Variants in PHF21A observed in about 807,000 individuals in gnomAD.
The protein encoded by PHF21A is BHC80a.
A neutral mutation model predicts 82.5 loss-of-function variants in PHF21A; 11 were observed. The observed-to-expected ratio is 0.13, with a 90% CI of 0.08 to 0.22. PHF21A has a LOEUF of 0.22. PHF21A is among the 10% of genes least tolerant of loss of function. The pLI, the probability that PHF21A is intolerant of heterozygous loss-of-function variation, is 1.00. For missense variants in PHF21A, 579 were observed against 837.8 expected (o/e 0.69, Z 3.81); for synonymous variants, 297 against 302.8 (o/e 0.98, Z 0.20).
intron 6 of PHF21A, among the ~76,000 whole-genome samples, chr11:45,994,895 C>A (rs1191435415): frequency 1.3e-5 from 2 of 152,136 alleles, no homozygotes; most frequent in Admixed American, 1.3e-4. Context: ...TGTCCTTGTC[C>A]CTCTGTGCTG....
chr11:46,121,364 A>G lies in PHF21A; in HGVS notation c.-666T>C, dbSNP rs1301854732. Among the ~76,000 whole-genome samples the G allele has an allele frequency of 6.7e-6, 1 of 150,328 alleles. No homozygotes were observed. Among genetic ancestry groups the G allele is most frequent in the Non-Finnish European group, 1.5e-5 (1 of 67,382 alleles). On this transcript the variant is annotated 5_prime_UTR_variant, in exon 1 of 19. Transcript: ENST00000676320. ...AGCAGCAGGAGAGAAACTGTAGGAGACAAACAAGCCCAACTCTTCATCCTC... is the reference window on the plus strand; with the variant it reads ...AGCAGCAGGAGAGAAACTGTAGGAGGCAAACAAGCCCAACTCTTCATCCTC...
chr11:46,021,451 A>G (rs1418948005), intron 6 of PHF21A, among the ~76,000 whole-genome samples: 2 of 152,184 alleles, frequency 1.3e-5, no homozygotes, highest in Non-Finnish European at 2.9e-5. Context: ...ATCTAGAAAC[A>G]GTATTCATCC....
At chr11:45,984,838 G>GT (rs1260946405) in intron 6 of PHF21A, among the ~76,000 whole-genome samples, 4 of 152,186 alleles carry the variant, frequency 2.6e-5, no homozygotes, top group Non-Finnish European at 4.4e-5. Flanking sequence ...CTACATGGCA[G>GT]TATCTGTTGC....
At chr11:46,040,363 T>C (rs563072755) in intron 6 of PHF21A, among the ~76,000 whole-genome samples, 1 of 152,298 alleles carries the variant, frequency 6.6e-6, no homozygotes, top group Admixed American at 6.5e-5. Context: ...AAAAATACTA[T>C]TTGGCACAGA....
intron 9 of PHF21A, among the ~76,000 whole-genome samples, chr11:45,966,227 C>T (rs2093427039): frequency 1.3e-5 from 2 of 152,098 alleles, no homozygotes; most frequent in Admixed American, 1.3e-4. Context: ...TGAGACACTT[C>T]CTGAACTTCA....
chr11:45,988,537 A>T lies in PHF21A; in HGVS notation c.154-8571T>A, dbSNP rs78393756. On this transcript the variant is annotated intron_variant, in intron 6 of 18. Coordinates refer to ENST00000676320, the MANE Select transcript of PHF21A (RefSeq NM_001352027.3). ...TAATATCACACTCTTGATGCTTAAA[A>T]TCATAATTTAAAAAATCATCTACAG... is the stretch of plus-strand genomic sequence containing the variant. Among the ~76,000 whole-genome samples, 1,243 of 152,350 alleles carry T rather than the reference A, an allele frequency of 8.2e-3. 13 individuals are homozygous for T. The highest frequency in any genetic ancestry group is 0.011 in the Non-Finnish European group (760 of 68,040).
intron 6 of PHF21A, chr11:46,049,565 G>C (rs1415602253): frequency 1.6e-5 from 7 of 449,476 alleles, no homozygotes; most frequent in Non-Finnish European, 3.1e-5. Flanking sequence ...AGGAGGGATA[G>C]AAAGAGGATA....
chr11:46,093,322 G>A (rs933467197), intron 1 of PHF21A, among the ~76,000 whole-genome samples: 3 of 152,084 alleles, frequency 2.0e-5, no homozygotes, highest in African/African-American at 7.2e-5. Flanking sequence ...GTGTCTCATT[G>A]CCTCAGGGAA....
intron 1 of PHF21A, among the ~76,000 whole-genome samples, chr11:46,119,394 G>T (rs1321748291): frequency 2.6e-5 from 4 of 152,172 alleles, no homozygotes; most frequent in Non-Finnish European, 1.5e-5. Context: ...GACTCCCAGA[G>T]ACATCATTTT....
intron 6 of PHF21A, among the ~76,000 whole-genome samples, chr11:45,990,386 G>A (rs2094650434): frequency 6.6e-6 from 1 of 150,820 alleles, no homozygotes; most frequent in African/African-American, 2.4e-5. Flanking sequence ...AGCTCCCCAA[G>A]GAGCTGGGAC....
chr11:46,100,084 C>T (rs997429427), intron 1 of PHF21A, among the ~76,000 whole-genome samples: 1 of 152,052 alleles, frequency 6.6e-6, no homozygotes, highest in Non-Finnish European at 1.5e-5. Flanking sequence ...AAACAAAAAC[C>T]ACAAAGAAAC....
chr11:46,027,469 C>A (rs1478721719), intron 6 of PHF21A, among the ~76,000 whole-genome samples: 1 of 152,204 alleles, frequency 6.6e-6, no homozygotes, highest in Non-Finnish European at 1.5e-5. Context: ...GAGCACCCTG[C>A]CCTTTCTGGG....
chr11:46,053,053 G>GC (rs1344725855), intron 6 of PHF21A, among the ~76,000 whole-genome samples: 1 of 152,090 alleles, frequency 6.6e-6, no homozygotes, highest in Non-Finnish European at 1.5e-5. Context: ...CGAGTAATGT[G>GC]CCCCCTCCCA....
chr11:46,081,030 C>T (rs147308885), intron 4 of PHF21A, among the ~76,000 whole-genome samples: 1 of 152,180 alleles, frequency 6.6e-6, no homozygotes, highest in Non-Finnish European at 1.5e-5. Context: ...CTGTGTGGTA[C>T]GCTCACTGGA....
chr11:45,970,938 T>C lies in PHF21A; in HGVS notation c.612+178A>G. 2.8e-6 allele frequency: 2 copies of C among 710,688 alleles called. 1 individual carries two copies. The highest frequency in any genetic ancestry group is 3.9e-5 in the South Asian group (2 of 51,194). 44.0% of individuals were successfully genotyped at this position (710,688 alleles called of 1,614,324 possible). On this transcript the variant is annotated intron_variant, in intron 8 of 18. Transcript: ENST00000676320. Reference sequence around the variant, plus strand: ...CCTTGGTGTCAGGACGCTTCTGTAGTGATTTGAGCAGATAGCAGAAATGCC... The same window carrying C: ...CCTTGGTGTCAGGACGCTTCTGTAGCGATTTGAGCAGATAGCAGAAATGCC...
At chr11:46,029,669 CAA>C (rs542384009) in intron 6 of PHF21A, among the ~76,000 whole-genome samples, 14 of 96,816 alleles carry the variant, frequency 1.4e-4, no homozygotes, top group African/African-American at 3.3e-4. Flanking sequence ...GCCTCCGTCT[CAA>C]AAAAAAAAAA....
rs746979794 is a variant in PHF21A at position 45,979,787 on chromosome 11, T to G, written c.333A>C (p.Ala111=). The G allele has an allele frequency of 4.3e-6, 7 of 1,613,944 alleles. No homozygotes were observed. Among genetic ancestry groups the G allele is most frequent in the Non-Finnish European group, 5.9e-6 (7 of 1,180,042 alleles). The change falls in exon 7 of 19, where the codon GCA becomes GCC. Residue 111 remains alanine, a synonymous_variant. Coordinates refer to ENST00000676320, the MANE Select transcript of PHF21A (RefSeq NM_001352027.3). ...GTGAAGCAGTCAGGTTGGGAGAGGC[T>G]GCAGCTGACTGCTGGGCGTGGTGGT... is the stretch of plus-strand genomic sequence containing the variant. The part of the protein sequence containing the change: ...YHHHHAQQSA[A]ASPNLTASQK...
intron 7 of PHF21A, among the ~76,000 whole-genome samples, chr11:45,976,567 C>T (rs923260215): frequency 6.6e-6 from 1 of 152,170 alleles, no homozygotes; most frequent in Non-Finnish European, 1.5e-5. Context: ...TAGTGCCAAG[C>T]GCAGTGGCTC....
intron 4 of PHF21A, chr11:46,083,664 G>T (rs1328064594): frequency 2.0e-5 from 3 of 152,264 alleles, no homozygotes; most frequent in African/African-American, 4.8e-5. Flanking sequence ...TTTTAATTAT[G>T]TAATTATATA....
Sources: allele counts gnomAD v4.1 joint callset (sites outside exome capture counted in the v4.1 genomes callset), GRCh38; gene constraint gnomAD v4.1.1; transcripts MANE v1.5; gene names NCBI Gene and HGNC (gene_info 2026-07-23, HGNC 2026-07-21).